The following C3orf22 variants were observed in gnomAD, a reference collection of about 807,000 sequenced individuals.
C3orf22 encodes uncharacterized protein C3orf22.
Under a neutral mutation model 10.8 loss-of-function variants are expected in C3orf22, and 7 were observed. The ratio of observed to expected loss-of-function variants is 0.65; its 90% CI spans 0.37 to 1.22. C3orf22 has a LOEUF of 1.22. Ranked by LOEUF, C3orf22 falls within the 50% of genes most tolerant of loss-of-function variation. C3orf22 has a pLI of 0.02. For synonymous variants in C3orf22, 79 were observed against 78.9 expected (o/e 1.00, Z 0.00); for missense variants, 173 against 177.0 (o/e 0.98, Z 0.13).
In C3orf22 at chr3:126,551,886, T is replaced by C. The variant is rs559806386; in HGVS notation, c.215+111A>G. 1,727 of 1,196,192 alleles carry C rather than the reference T, an allele frequency of 1.4e-3. 2 individuals are homozygous for C. The highest frequency in any genetic ancestry group is 1.9e-3 in the Non-Finnish European group (1,612 of 857,108). 74.1% of individuals were successfully genotyped at this position (1,196,192 alleles called of 1,614,324 possible). Reference sequence around the variant, plus strand: ...TGCCTCAGTTTCCTCAGCTTTAAAGTGGCGCGTGCTGGGAGGATAACATGA... The same window carrying C: ...TGCCTCAGTTTCCTCAGCTTTAAAGCGGCGCGTGCTGGGAGGATAACATGA... On this transcript the variant is annotated intron_variant, in intron 3 of 3. Transcript: ENST00000318225.
At chr3:126,542,067 T>A in intron 4 of C3orf22, 1 of 1,582,530 alleles carries the variant, frequency 6.3e-7, no homozygotes, top group Non-Finnish European at 8.6e-7. Context: ...GCCTTCCTGT[T>A]CGTGCGGGAG....
chr3:126,542,020 C>G lies in C3orf22; in HGVS notation c.286+7517G>C. 2.6e-6 allele frequency: 4 copies of G among 1,567,716 alleles called. No individual in the cohort carries two copies. The East Asian group carries it at 9.4e-5, about 37-fold the overall frequency. On this transcript the variant is annotated intron_variant and NMD_transcript_variant, in intron 4 of 5. Coordinates refer to the C3orf22 transcript ENST00000505070. Reference sequence around the variant, plus strand: ...GCCTGCCCTCACTGGCCGACTTCAGCCCCGCCGAGATCAACCGGCGCCTGC... The same window carrying G: ...GCCTGCCCTCACTGGCCGACTTCAGGCCCGCCGAGATCAACCGGCGCCTGC...
intron 1 of C3orf22, among the ~76,000 whole-genome samples, chr3:126,556,789 ACACACACT>A (rs1470975561): frequency 5.5e-5 from 5 of 91,416 alleles, no homozygotes; most frequent in Non-Finnish European, 8.1e-5. Flanking sequence ...ACTCAGACTC[ACACACACT>A]CAGGCTCACC....
At chr3:126,541,800 G>C in intron 4 of C3orf22, 1 of 1,550,326 alleles carries the variant, frequency 6.5e-7, no homozygotes. Flanking sequence ...GCCTGTAGCC[G>C]CCACTCACGC....
chr3:126,544,248 T>A (rs1937030925), intron 4 of C3orf22, among the ~76,000 whole-genome samples: 1 of 152,154 alleles, frequency 6.6e-6, no homozygotes, highest in Non-Finnish European at 1.5e-5. Context: ...CACCACGTGA[T>A]GCTCTGTACC....
At position 126,531,330 on chromosome 3, in the gene C3orf22, A is replaced by G. The variant is rs945471496; in HGVS notation, c.287-1958T>C. Reference sequence around the variant, plus strand: ...CAGTTTGCCAAAAGACCTGTTCCTCAGATTTCCCAAGTTTACTGGCGTGCC... The same window carrying G: ...CAGTTTGCCAAAAGACCTGTTCCTCGGATTTCCCAAGTTTACTGGCGTGCC... On this transcript the variant is annotated intron_variant and NMD_transcript_variant, in intron 4 of 5. Transcript: ENST00000505070. Among the ~76,000 whole-genome samples the G allele has an allele frequency of 2.0e-5, 3 of 152,258 alleles. No individual in the cohort carries two copies. The South Asian group carries it at 6.2e-4, about 31-fold the overall frequency.
At chr3:126,550,726 C>A (rs1937162657) in intron 3 of C3orf22, among the ~76,000 whole-genome samples, 1 of 152,254 alleles carries the variant, frequency 6.6e-6, no homozygotes, top group Non-Finnish European at 1.5e-5. Context: ...CTCCCCCAGC[C>A]CTGGCATGGG....
chr3:126,537,506 C>G (rs1049094530), intron 4 of C3orf22, among the ~76,000 whole-genome samples: 2 of 152,162 alleles, frequency 1.3e-5, no homozygotes, highest in Non-Finnish European at 2.9e-5. Flanking sequence ...GAGGGCTGAG[C>G]GGAAGGGGCC....
downstream of C3orf22, among the ~76,000 whole-genome samples, chr3:126,547,601 C>G (rs111480908): frequency 3.3e-3 from 510 of 152,318 alleles, 5 homozygotes; most frequent in African/African-American, 0.012. Flanking sequence ...GAGCAGGCAG[C>G]CAGCGACCCC....
downstream of C3orf22, among the ~76,000 whole-genome samples, chr3:126,549,120 T>A (rs1937119990): frequency 6.6e-6 from 1 of 152,134 alleles, no homozygotes; most frequent in East Asian, 1.9e-4. Context: ...TTACTGATGT[T>A]GTAATACAGG....
At chr3:126,528,978 G>A (rs910064339) in intron 5 of C3orf22, among the ~76,000 whole-genome samples, 16 of 152,352 alleles carry the variant, frequency 1.1e-4, no homozygotes, top group Non-Finnish European at 1.9e-4. Context: ...CCTGCTGGCA[G>A]GAGCTTGCTG....
chr3:126,549,904 G>A lies in C3orf22; in HGVS notation c.390C>T (p.Thr130=). The A allele has an allele frequency of 1.2e-6, 2 of 1,614,064 alleles. No individual in the cohort carries two copies. Among genetic ancestry groups the A allele is most frequent in the Non-Finnish European group, 1.7e-6 (2 of 1,180,020 alleles). Residue 130 remains threonine, a synonymous_variant, in exon 4 of 4, where the codon ACC becomes ACT. Transcript: ENST00000318225. ...TRHTEAACPQ[T]SKAAGLSRGL... is the part of the protein sequence containing the mutation. ...CCCTGGACAGCCCTGCCGCCTTGCT[G>A]GTCTGGGGGCAGGCAGCCTCAGTGT... is the stretch of plus-strand genomic sequence containing the variant.
chr3:126,557,053 CAG>C (rs1367895214), intron 1 of C3orf22, among the ~76,000 whole-genome samples: 2 of 151,894 alleles, frequency 1.3e-5, no homozygotes, highest in Non-Finnish European at 2.9e-5. Context: ...TTCACATACA[CAG>C]ACTCACACAT....
At chr3:126,532,113 G>A (rs542789746) in intron 4 of C3orf22, among the ~76,000 whole-genome samples, 1 of 152,280 alleles carries the variant, frequency 6.6e-6, no homozygotes, top group African/African-American at 2.4e-5. Flanking sequence ...AAAAAATTGA[G>A]TTGTCTTTTG....
intron 4 of C3orf22, chr3:126,536,412 C>T (rs777752549): frequency 4.4e-5 from 60 of 1,359,426 alleles, no homozygotes; most frequent in Admixed American, 1.7e-4. Context: ...AGGAGCCTGA[C>T]AGCAACAGTG....
At position 126,549,874 on chromosome 3, in the gene C3orf22, G is replaced by C. The variant is rs1480077532; in HGVS notation, c.420C>G (p.Leu140=). ...TSKAAGLSRG[L]S Reference sequence around the variant, plus strand: ...CACACACAGAGCCCAGTCTCTAGGAGAGGCCCCTGGACAGCCCTGCCGCCT... The same window carrying C: ...CACACACAGAGCCCAGTCTCTAGGACAGGCCCCTGGACAGCCCTGCCGCCT... Residue 140 remains leucine, a synonymous_variant, in exon 4 of 4, where the codon CTC becomes CTG. Transcript: ENST00000318225. 13 of 1,612,208 alleles carry C rather than the reference G, an allele frequency of 8.1e-6. No homozygotes were observed. The South Asian group carries it at 1.2e-4, about 15-fold the overall frequency.
chr3:126,546,518 G>T (rs1937069747), downstream of C3orf22, among the ~76,000 whole-genome samples: 1 of 152,086 alleles, frequency 6.6e-6, no homozygotes, highest in Admixed American at 6.5e-5. Context: ...GGTGGGATTA[G>T]TGTCCTCATA....
At chr3:126,553,013 G>A (rs1336946905) in intron 2 of C3orf22, among the ~76,000 whole-genome samples, 2 of 152,238 alleles carry the variant, frequency 1.3e-5, no homozygotes, top group African/African-American at 4.8e-5. Flanking sequence ...AGCTCAGGAG[G>A]GGCAGTCGTC....
intron 4 of C3orf22, chr3:126,541,886 G>C: frequency 6.2e-7 from 1 of 1,600,136 alleles, no homozygotes; most frequent in Non-Finnish European, 8.5e-7. Context: ...CTACTGCTAC[G>C]TGCCCAAGGT....
Sources: gnomAD v4.1 joint callset for allele counts (sites outside exome capture counted in the v4.1 genomes callset) on GRCh38, gnomAD v4.1.1 for gene constraint, MANE v1.5 for transcripts, NCBI Gene and HGNC (gene_info 2026-07-23, HGNC 2026-07-21) for gene names.